GRIN2B: variants seen among roughly 807,000 people sequenced by gnomAD.
GRIN2B encodes glutamate ionotropic receptor NMDA type subunit 2B, also known as glutamate receptor ionotropic, NMDA 2B.
In GRIN2B, 5 loss-of-function variants were observed where a neutral mutation model predicts 114.5. The ratio of observed to expected loss-of-function variants is 0.04; its 90% confidence interval spans 0.02 to 0.09. The LOEUF (loss-of-function observed/expected upper bound fraction) is 0.09, where lower values mean the gene tolerates loss of function less well. Ranked by LOEUF, GRIN2B falls within the 10% of genes least tolerant of loss-of-function variation. The pLI is 1.00. For missense variants in GRIN2B, 1,108 were observed against 1,943.5 expected (o/e 0.57, Z 8.08); for synonymous variants, 787 against 745.1 (o/e 1.06, Z -0.92).
At chr12:13,642,270 C>G (rs16909305) in intron 5 of GRIN2B, among the ~76,000 whole-genome samples, 11,560 of 152,184 alleles carry the variant, frequency 0.076, 462 homozygotes, top group Non-Finnish European at 0.09. Flanking sequence ...AAAACCCCAA[C>G]TCATTATTTT....
chr12:13,966,516 T>A (rs548465608), intron 2 of GRIN2B, among the ~76,000 whole-genome samples: 3 of 152,206 alleles, frequency 2.0e-5, no homozygotes, highest in African/African-American at 7.2e-5. Context: ...AAATTCATGT[T>A]CTCTAAATAT....
chr12:13,570,224 T>C (rs1309063044), intron 11 of GRIN2B, among the ~76,000 whole-genome samples: 1 of 152,200 alleles, frequency 6.6e-6, no homozygotes, highest in African/African-American at 2.4e-5. Flanking sequence ...GGAGTTCTTT[T>C]CTTCCCACTG....
chr12:13,686,649 TA>T (rs1565500061), intron 4 of GRIN2B, among the ~76,000 whole-genome samples: 1 of 152,016 alleles, frequency 6.6e-6, no homozygotes, highest in African/African-American at 2.4e-5. Flanking sequence ...GGGAACTTTT[TA>T]AAAAAGTAAT....
intron 4 of GRIN2B, among the ~76,000 whole-genome samples, chr12:13,696,443 A>T (rs373426328): frequency 5.9e-5 from 9 of 152,168 alleles, no homozygotes; most frequent in African/African-American, 2.2e-4. Context: ...TTCAGTAATT[A>T]TTCCAAAGTC....
chr12:13,776,785 G>A (rs1864011867), intron 3 of GRIN2B, among the ~76,000 whole-genome samples: 1 of 152,146 alleles, frequency 6.6e-6, no homozygotes, highest in African/African-American at 2.4e-5. Flanking sequence ...AGGAAAGACA[G>A]TGAGAGGAAC....
intron 5 of GRIN2B, among the ~76,000 whole-genome samples, chr12:13,625,705 A>T (rs569828843): frequency 6.6e-6 from 1 of 152,298 alleles, no homozygotes; most frequent in East Asian, 1.9e-4. Flanking sequence ...TTTTCCAAAC[A>T]TCAGGGCGAA....
chr12:13,736,595 T>C (rs563797871), intron 4 of GRIN2B, among the ~76,000 whole-genome samples: 9 of 152,128 alleles, frequency 5.9e-5, no homozygotes, highest in Non-Finnish European at 1.2e-4. Context: ...TCTATTTACT[T>C]TCAAATAAAA....
chr12:13,665,176 TG>T (rs1949962788), intron 5 of GRIN2B, among the ~76,000 whole-genome samples: 1 of 151,276 alleles, frequency 6.6e-6, no homozygotes, highest in Non-Finnish European at 1.5e-5. Flanking sequence ...TTTGTGTGTG[TG>T]TGTGTGTGTG....
At chr12:13,868,455 TACACACACACAC>T (rs71436778) in intron 2 of GRIN2B, among the ~76,000 whole-genome samples, 1 of 148,808 alleles carries the variant, frequency 6.7e-6, no homozygotes, top group Non-Finnish European at 1.5e-5. Flanking sequence ...GTGGACAAAG[TACACACACACAC>T]ACACACACAC....
chr12:13,792,300 A>C (rs1864335175), intron 3 of GRIN2B, among the ~76,000 whole-genome samples: 1 of 152,240 alleles, frequency 6.6e-6, no homozygotes, highest in Non-Finnish European at 1.5e-5. Context: ...ACTTACTTAA[A>C]GGAAAGGAAG....
At chr12:13,937,880 G>A (rs1002613466) in intron 2 of GRIN2B, among the ~76,000 whole-genome samples, 6 of 152,262 alleles carry the variant, frequency 3.9e-5, no homozygotes, top group Admixed American at 6.5e-5. Flanking sequence ...CACTTCTGAA[G>A]TGGGAAGTGA....
chr12:13,559,131 ACTTG>A lies in GRIN2B; in HGVS notation c.*3648_*3651del, dbSNP rs1424929163. The A allele has an allele frequency of 3.3e-5, 5 of 152,170 alleles. No individual in the cohort carries two copies. Among genetic ancestry groups the A allele is most frequent in the African/African-American group, 1.2e-4 (5 of 41,430 alleles). The allele number at this position is 152,170 out of a possible 1,614,324, so 9.4% of individuals were successfully genotyped here. A position where few individuals can be genotyped will look rare whatever the true frequency, so the allele number is the denominator to read the frequency against. ...AGCTGAATTCTTCCTCATGCATTTT[ACTTG>A]CTTGTTATTCTGGAATTAAGTAACA... On this transcript the variant is annotated 3_prime_UTR_variant, in exon 14 of 14. Coordinates refer to ENST00000609686, the MANE Select transcript of GRIN2B (RefSeq NM_000834.5).
intron 3 of GRIN2B, among the ~76,000 whole-genome samples, chr12:13,786,501 A>G (rs1171436911): frequency 1.3e-5 from 2 of 152,124 alleles, no homozygotes; most frequent in Admixed American, 1.3e-4. Flanking sequence ...ACGCCATTTT[A>G]ATTACATAAA....
rs1591591002 is a variant in GRIN2B at position 13,537,596 on chromosome 12, A to G, written c.*25187T>C. On this transcript the variant is annotated 3_prime_UTR_variant, in exon 14 of 14. Transcript: ENST00000609686. ...GAGTGACAACAAACAGCTGCCACAT[A>G]TAATGGGATTAGAAGTAAATAGGAG... 6.6e-6 allele frequency: 1 copy of G among 152,212 alleles called. No homozygotes were observed. The highest frequency in any genetic ancestry group is 2.4e-5 in the African/African-American group (1 of 41,454). The allele number at this position is 152,212 out of a possible 1,614,324, so 9.4% of individuals were successfully genotyped here.
chr12:13,859,721 C>T (rs570937855), intron 3 of GRIN2B, among the ~76,000 whole-genome samples: 7 of 152,298 alleles, frequency 4.6e-5, no homozygotes, highest in Admixed American at 4.6e-4. Flanking sequence ...GGCCAACATA[C>T]ATAAACGCTC....
intron 3 of GRIN2B, among the ~76,000 whole-genome samples, chr12:13,759,611 G>C (rs936744636): frequency 6.6e-6 from 1 of 152,060 alleles, no homozygotes; most frequent in Admixed American, 6.6e-5. Flanking sequence ...CTTTGATATT[G>C]ACAACGCCAA....
At chr12:13,895,278 A>C (rs977573883) in intron 2 of GRIN2B, among the ~76,000 whole-genome samples, 3 of 152,146 alleles carry the variant, frequency 2.0e-5, no homozygotes, top group Admixed American at 2.0e-4. Flanking sequence ...CCACATTTAC[A>C]CCCAGCATTA....
intron 2 of GRIN2B, among the ~76,000 whole-genome samples, chr12:13,910,996 C>G (rs1408565314): frequency 6.6e-6 from 1 of 151,964 alleles, no homozygotes; most frequent in Non-Finnish European, 1.5e-5. Flanking sequence ...TACACATCAC[C>G]CTTACGTAAA....
chr12:13,558,616 A>G lies in GRIN2B; in HGVS notation c.*4167T>C, dbSNP rs553754360. The stretch of plus-strand genomic sequence containing the variant: ...GAGTGATAGTCACTTAACTGTATAG[A>G]CAACTCCTACTGTATCATGTCATAC... On this transcript the variant is annotated 3_prime_UTR_variant, in exon 14 of 14. Coordinates refer to ENST00000609686, the MANE Select transcript of GRIN2B (RefSeq NM_000834.5). The G allele has an allele frequency of 6.6e-6, 1 of 152,362 alleles. No individual in the cohort carries two copies. The highest frequency in any genetic ancestry group is 2.1e-4 in the South Asian group (1 of 4,828). 9.4% of individuals were successfully genotyped at this position (152,362 alleles called of 1,614,324 possible). A position where few individuals can be genotyped will look rare whatever the true frequency, so the allele number is the denominator to read the frequency against.
Sources: gnomAD v4.1 joint callset for allele counts (sites outside exome capture counted in the v4.1 genomes callset) on GRCh38, gnomAD v4.1.1 for gene constraint, MANE v1.5 for transcripts, NCBI Gene and HGNC (gene_info 2026-07-23, HGNC 2026-07-21) for gene names.